The following XYLB variants were observed in gnomAD, a reference collection of about 807,000 sequenced individuals.
XYLB encodes xylulose kinase.
Under a neutral mutation model 78.7 loss-of-function variants are expected in XYLB, and 62 were observed. The ratio of observed to expected loss-of-function variants is 0.79; its 90% CI spans 0.64 to 0.97. XYLB has a LOEUF of 0.97. Among genes scored for constraint, XYLB ranks in the 50% least tolerant of loss-of-function variants. The probability of loss-of-function intolerance (pLI) is 0.00; values close to 1 mark genes in which losing one functional copy is unlikely to be tolerated. For synonymous variants in XYLB, 245 were observed against 247.4 expected, an observed-to-expected ratio of 0.99 and a Z score of 0.09; for missense variants, 687 against 676.8, an observed-to-expected ratio of 1.02 and a Z score of -0.17.
At chr3:38,347,735 C>T (rs1705147706) in intron 1 of XYLB, among the ~76,000 whole-genome samples, 1 of 152,176 alleles carries the variant, frequency 6.6e-6, no homozygotes. Flanking sequence ...ACCCTGTGAC[C>T]GCCCTTCGTT....
In XYLB at chr3:38,370,109, C is replaced by G; in HGVS notation, c.700C>G (p.Leu234Val). The G allele has an allele frequency of 6.2e-7, 1 of 1,614,222 alleles. No individual in the cohort carries two copies. Among genetic ancestry groups the G allele is most frequent in the Non-Finnish European group, 8.5e-7 (1 of 1,180,046 alleles). ...GGATAAAGTCTGGTCCCAGGCTTGCCTTGGTGCCTGTGCACCTCATTTAGA... is the reference window on the plus strand; with the variant it reads ...GGATAAAGTCTGGTCCCAGGCTTGCGTTGGTGCCTGTGCACCTCATTTAGA... The part of the protein sequence containing the change: ...IQDKVWSQAC[L>V]GACAPHLEEK... The change falls in exon 9 of 19, where the codon CTT (leucine) becomes GTT (valine). Residue 234 changes from leucine to valine, a missense_variant. Transcript: ENST00000207870.
Position 38,385,947 on chromosome 3 carries a change from A to G in XYLB, c.1291+6605A>G, listed in dbSNP as rs189038847. On this transcript the variant is annotated intron_variant, in intron 15 of 18. Transcript: ENST00000207870. Reference sequence around the variant, plus strand: ...GCTGAGCTGGGAAATATTAGGATATATATATACATATCCAAATATATATAT... The same window carrying G: ...GCTGAGCTGGGAAATATTAGGATATGTATATACATATCCAAATATATATAT... Among the ~76,000 whole-genome samples the G allele has an allele frequency of 4.1e-3, 624 of 152,316 alleles. 8 individuals are homozygous for G. Among genetic ancestry groups the G allele is most frequent in the Admixed American group, 0.031 (477 of 15,294 alleles).
the XYLB span, among the ~76,000 whole-genome samples, chr3:38,442,959 G>A: frequency 3.3e-5 from 5 of 152,056 alleles, no homozygotes; most frequent in Admixed American, 1.3e-4. Flanking sequence ...AGGGTAACTT[G>A]TTCCCCATAT....
chr3:38,352,547 C>T (rs1003313364), intron 2 of XYLB, among the ~76,000 whole-genome samples: 1 of 152,204 alleles, frequency 6.6e-6, no homozygotes, highest in Non-Finnish European at 1.5e-5. Context: ...TGGCTCAAGC[C>T]TGTAATCCTA....
intron 15 of XYLB, among the ~76,000 whole-genome samples, chr3:38,379,669 T>C (rs1707052341): frequency 6.6e-6 from 1 of 152,212 alleles, no homozygotes; most frequent in African/African-American, 2.4e-5. Context: ...AGCTCTGGAC[T>C]GCAAAGACAT....
At chr3:38,350,909 AAGC>A (rs1228477705) in intron 2 of XYLB, among the ~76,000 whole-genome samples, 8 of 152,144 alleles carry the variant, frequency 5.3e-5, no homozygotes, top group Non-Finnish European at 1.2e-4. Flanking sequence ...TGGGAGGCTG[AAGC>A]AGGCAGAACA....
intron 4 of XYLB, among the ~76,000 whole-genome samples, chr3:38,364,252 C>G (rs1431484190): frequency 6.6e-6 from 1 of 151,960 alleles, no homozygotes; most frequent in Non-Finnish European, 1.5e-5. Context: ...CAAGGGTCCT[C>G]ACGTCCCACT....
At chr3:38,347,321 T>G (rs1050927356) in intron 1 of XYLB, among the ~76,000 whole-genome samples, 1 of 152,022 alleles carries the variant, frequency 6.6e-6, no homozygotes, top group Non-Finnish European at 1.5e-5. Context: ...GACAGGCGGG[T>G]AGCCCTGCGC....
At chr3:38,408,979 C>A (rs1325265708) in intron 18 of XYLB, among the ~76,000 whole-genome samples, 4 of 152,148 alleles carry the variant, frequency 2.6e-5, no homozygotes, top group Non-Finnish European at 4.4e-5. Flanking sequence ...TGGTACCATT[C>A]CTTCTGAAAC....
intron 11 of XYLB, 59 bp from the exon 12 acceptor site, chr3:38,375,085 C>A: frequency 7.1e-7 from 1 of 1,401,188 alleles, no homozygotes; most frequent in Non-Finnish European, 1.0e-6. Flanking sequence ...GCGTCGCTGG[C>A]AGAGGGCAGC....
chr3:38,394,767 T>A (rs894954679), intron 15 of XYLB, among the ~76,000 whole-genome samples: 1 of 152,244 alleles, frequency 6.6e-6, no homozygotes, highest in Non-Finnish European at 1.5e-5. Context: ...GCAGTCACAA[T>A]GTCATCTGGG....
intron 2 of XYLB, 36 bp from the exon 3 acceptor site, chr3:38,360,303 T>G: frequency 6.3e-7 from 1 of 1,597,380 alleles, no homozygotes. Flanking sequence ...CTGCCTGCCC[T>G]GAGGCTCTGG....
chr3:38,441,166 T>G, the XYLB span, among the ~76,000 whole-genome samples: 2 of 152,246 alleles, frequency 1.3e-5, no homozygotes, highest in African/African-American at 4.8e-5. Context: ...TGATATTTAA[T>G]GGGGGTTCCC....
intron 11 of XYLB, 143 bp downstream of exon 11, chr3:38,374,645 G>A: frequency 1.0e-6 from 1 of 971,718 alleles, no homozygotes; most frequent in Non-Finnish European, 1.6e-6. Context: ...ACTTATCAGA[G>A]TGTCTGCCGG....
chr3:38,450,305 A>G, the XYLB span, among the ~76,000 whole-genome samples: 2 of 152,332 alleles, frequency 1.3e-5, no homozygotes, highest in East Asian at 3.9e-4. Flanking sequence ...TGCTAAATGA[A>G]TGTATTTAAT....
At chr3:38,422,131 A>C (rs1708998394), downstream of XYLB, among the ~76,000 whole-genome samples, 1 of 152,222 alleles carries the variant, frequency 6.6e-6, no homozygotes, top group Admixed American at 6.5e-5. Flanking sequence ...CTGTTAAAGA[A>C]TGTTGCTGTC....
At chr3:38,353,651 C>A (rs1173817611) in intron 2 of XYLB, among the ~76,000 whole-genome samples, 1 of 151,926 alleles carries the variant, frequency 6.6e-6, no homozygotes, top group Admixed American at 6.6e-5. Context: ...CTTTAAGAGG[C>A]TGAGGTGGGC....
At chr3:38,423,481 T>C (rs1251375454), downstream of XYLB, among the ~76,000 whole-genome samples, 1 of 152,250 alleles carries the variant, frequency 6.6e-6, no homozygotes, top group African/African-American at 2.4e-5. Context: ...GACTGCCTTC[T>C]GCTGCTATGA....
intron 18 of XYLB, among the ~76,000 whole-genome samples, chr3:38,410,528 A>T (rs1303231497): frequency 6.6e-6 from 1 of 152,230 alleles, no homozygotes; most frequent in East Asian, 1.9e-4. Context: ...GCCAAAATTG[A>T]CAAATGGGAT....
Sources: gnomAD v4.1 joint callset for allele counts (sites outside exome capture counted in the v4.1 genomes callset) on GRCh38, gnomAD v4.1.1 for gene constraint, MANE v1.5 for transcripts, NCBI Gene and HGNC (gene_info 2026-07-23, HGNC 2026-07-21) for gene names.